BNC1: variants seen among roughly 807,000 people sequenced by gnomAD.
The protein encoded by BNC1 is zinc finger protein basonuclin-1.
A neutral mutation model predicts 66.5 loss-of-function variants in BNC1; 8 were observed. The observed-to-expected ratio is 0.12, with a 90% CI of 0.07 to 0.22. BNC1 has a LOEUF of 0.22. Ranked by LOEUF, BNC1 falls within the 10% of genes least tolerant of loss-of-function variation. BNC1 has a pLI of 1.00. For synonymous variants in BNC1, 454 were observed against 452.6 expected (o/e 1.00, Z -0.04); for missense variants, 1,069 against 1,241.3 (o/e 0.86, Z 2.09).
At chr15:83,268,063 A>C (rs1006402207) in intron 2 of BNC1, 70 bp downstream of exon 2, 1 of 1,272,392 alleles carries the variant, frequency 7.9e-7, no homozygotes, top group African/African-American at 1.5e-5. Context: ...ATATTAAATC[A>C]GTTCCTGAAT....
intron 1 of BNC1, among the ~76,000 whole-genome samples, chr15:83,277,560 C>T (rs1030952364): frequency 5.3e-5 from 8 of 152,202 alleles, no homozygotes; most frequent in South Asian, 2.1e-4. Context: ...CTGCCCACTT[C>T]GGCCTCCCAA....
At chr15:83,270,535 G>A (rs1567194342) in intron 1 of BNC1, among the ~76,000 whole-genome samples, 1 of 152,148 alleles carries the variant, frequency 6.6e-6, no homozygotes, top group Non-Finnish European at 1.5e-5. Context: ...CCTAGTGACT[G>A]TGGGTGAGAT....
intron 1 of BNC1, among the ~76,000 whole-genome samples, chr15:83,275,354 G>A (rs888126292): frequency 2.6e-5 from 4 of 152,136 alleles, no homozygotes; most frequent in African/African-American, 7.2e-5. Context: ...AAATTAGCCA[G>A]GCGTGGTGGC....
intron 3 of BNC1, among the ~76,000 whole-genome samples, chr15:83,266,253 TG>T (rs2038216599): frequency 2.1e-5 from 2 of 97,504 alleles, no homozygotes; most frequent in Non-Finnish European, 2.0e-5. Flanking sequence ...AAAACTGGGG[TG>T]TGGGGAGGGA....
intron 1 of BNC1, chr15:83,283,208 C>G: frequency 1.3e-6 from 2 of 1,535,674 alleles, no homozygotes; most frequent in South Asian, 1.2e-5. Flanking sequence ...GTTTCTACAC[C>G]GCATTTGTGA....
chr15:83,273,669 G>C (rs1392918561), intron 1 of BNC1, among the ~76,000 whole-genome samples: 1 of 152,104 alleles, frequency 6.6e-6, no homozygotes, highest in Non-Finnish European at 1.5e-5. Context: ...ATGGAAGATT[G>C]GGTTTTGCAG....
chr15:83,283,684 C>G (rs1363708666), intron 1 of BNC1, among the ~76,000 whole-genome samples: 2 of 152,204 alleles, frequency 1.3e-5, no homozygotes, highest in African/African-American at 2.4e-5. Flanking sequence ...GGCCCGGCTT[C>G]CAGCCCAGAG....
intron 3 of BNC1, among the ~76,000 whole-genome samples, chr15:83,265,364 A>T (rs1046682844): frequency 2.0e-5 from 3 of 152,202 alleles, no homozygotes; most frequent in Non-Finnish European, 4.4e-5. Flanking sequence ...AGTGTTGGAG[A>T]TCTTTCAAAC....
rs2038236116 is a variant in BNC1 at position 83,268,209 on chromosome 15, A to G, written c.123T>C (p.Cys41=). ...TCCCGGGTTTGAAACTTTGGCAACT[A>G]CAGTTCAGAGTACAGCTGATAGCCT... ...MAEAISCTLN[C]SCQSFKPGKI... is the part of the protein sequence containing the mutation. The change falls in exon 2 of 5, where the codon TGT becomes TGC. Residue 41 remains cysteine (C), a synonymous_variant. Coordinates refer to ENST00000345382, the MANE Select transcript of BNC1 (RefSeq NM_001717.4). The G allele has an allele frequency of 6.2e-7, 1 of 1,614,186 alleles. No homozygotes were observed. The highest frequency in any genetic ancestry group is 8.5e-7 in the Non-Finnish European group (1 of 1,180,008).
intron 2 of BNC1, 75 bp from the exon 3 acceptor site, chr15:83,267,146 T>G (rs1486058371): frequency 1.2e-5 from 14 of 1,133,700 alleles, no homozygotes; most frequent in Non-Finnish European, 1.6e-5. Flanking sequence ...AAAAAGTAGG[T>G]TAGGACCAAT....
chr15:83,268,258 G>A, intron 1 of BNC1, 26 bp from the exon 2 acceptor site: 1 of 1,561,782 alleles, frequency 6.4e-7, no homozygotes, highest in Non-Finnish European at 8.8e-7. Flanking sequence ...AAACAGGTAT[G>A]TGGAGCATGT....
At position 83,264,666 on chromosome 15, in the gene BNC1, TATG is replaced by T; in HGVS notation, c.582_584del (p.Ile195del). 6.2e-7 allele frequency: 1 copy of T among 1,614,100 alleles called. No individual in the cohort carries two copies. Among genetic ancestry groups the T allele is most frequent in the Non-Finnish European group, 8.5e-7 (1 of 1,180,020 alleles). On this transcript the variant is annotated inframe_deletion, in exon 4 of 5. Coordinates refer to ENST00000345382, the MANE Select transcript of BNC1 (RefSeq NM_001717.4). ...TATCTACATTTGCTGTGGAAGGTGG[TATG>T]ATGATGGATTGCTCTTCTTTCTCTT...
intron 2 of BNC1, among the ~76,000 whole-genome samples, chr15:83,267,341 G>C (rs778820250): frequency 1.3e-5 from 2 of 152,288 alleles, no homozygotes; most frequent in Middle Eastern, 6.8e-3. Context: ...ATAAGGAAAA[G>C]GGGTAAAAAC....
intron 1 of BNC1, among the ~76,000 whole-genome samples, chr15:83,278,882 A>C (rs1454329627): frequency 6.6e-6 from 1 of 152,222 alleles, no homozygotes; most frequent in African/African-American, 2.4e-5. Flanking sequence ...ATAATCATTG[A>C]AATTCAGACC....
intron 1 of BNC1, 92 bp from the exon 2 acceptor site, chr15:83,268,324 C>T: frequency 5.0e-6 from 6 of 1,201,100 alleles, no homozygotes; most frequent in Non-Finnish European, 7.3e-6. Context: ...CTCCATTCGG[C>T]AGCACTTATT....
intron 1 of BNC1, among the ~76,000 whole-genome samples, chr15:83,281,653 A>G (rs1595943965): frequency 1.3e-5 from 2 of 152,380 alleles, no homozygotes; most frequent in East Asian, 1.9e-4. Context: ...CTAAAGCCAC[A>G]TACAGAAGCT....
chr15:83,258,906 T>C (rs1243089333), intron 4 of BNC1, among the ~76,000 whole-genome samples: 1 of 152,252 alleles, frequency 6.6e-6, no homozygotes, highest in Non-Finnish European at 1.5e-5. Flanking sequence ...ATATGAAGCT[T>C]GCATCGTATT....
chr15:83,264,445 C>A lies in BNC1; in HGVS notation c.806G>T (p.Gly269Val), dbSNP rs1326231440. Reference sequence around the variant, plus strand: ...TTTGGGGTCCTGACTTTGGTCATGACCCTGCTCCAACATATATTGTTCGGG... The same window carrying A: ...TTTGGGGTCCTGACTTTGGTCATGAACCTGCTCCAACATATATTGTTCGGG... Reference protein sequence around the residue: ...SLPEQYMLEQGHDQSQDPKQE... With the variant: ...SLPEQYMLEQVHDQSQDPKQE... Residue 269 changes from glycine (G) to valine (V), a missense_variant, in exon 4 of 5, where the codon GGT (glycine) becomes GTT (valine). Gly to Val is a moderately radical substitution (Grantham distance 109). This residue lies in a region of BNC1 where 181 missense variants were observed against 181.5 expected (regional missense o/e 1.00). Coordinates refer to ENST00000345382, the MANE Select transcript of BNC1 (RefSeq NM_001717.4). 6.2e-7 allele frequency: 1 copy of A among 1,614,126 alleles called. No homozygotes were observed. The highest frequency in any genetic ancestry group is 1.1e-5 in the South Asian group (1 of 91,078).
intron 3 of BNC1, among the ~76,000 whole-genome samples, chr15:83,265,454 T>A (rs1005632548): frequency 4.6e-5 from 7 of 152,360 alleles, no homozygotes; most frequent in Middle Eastern, 3.4e-3. Context: ...ACTGAGATTT[T>A]TCACAGTGCA....
Sources: allele counts gnomAD v4.1 joint callset (sites outside exome capture counted in the v4.1 genomes callset), GRCh38; gene constraint gnomAD v4.1.1; regional missense constraint gnomAD v4.1.1; transcripts MANE v1.5; gene names NCBI Gene and HGNC (gene_info 2026-07-23, HGNC 2026-07-21).